Variants in GPAA1 observed in about 807,000 individuals in gnomAD.
GPAA1 encodes GPI-anchor transamidase component GPAA1.
In GPAA1, 54 loss-of-function variants were observed where a neutral mutation model predicts 64.0. The ratio of observed to expected loss-of-function variants is 0.84; its 90% confidence interval spans 0.68 to 1.06. The LOEUF is 1.06. Ranked by LOEUF, GPAA1 falls within the 50% of genes least tolerant of loss-of-function variation. The probability of loss-of-function intolerance (pLI) is 0.00; values close to 1 mark genes in which losing one functional copy is unlikely to be tolerated. For synonymous variants in GPAA1, 393 were observed against 377.3 expected (o/e 1.04, Z -0.48); for missense variants, 780 against 822.3 (o/e 0.95, Z 0.63).
rs1356551495 is a variant in GPAA1, at chr8:144,082,778, A to G, written c.48A>G (p.Leu16=). 1 of 1,465,910 alleles carries G rather than the reference A, an allele frequency of 6.8e-7. No homozygotes were observed. Among genetic ancestry groups the G allele is most frequent in the East Asian group, 3.0e-5 (1 of 33,330 alleles). The allele number at this position is 1,465,910 out of a possible 1,614,324, so 90.8% of individuals were successfully genotyped here. A position where few individuals can be genotyped will look rare whatever the true frequency, so the allele number is the denominator to read the frequency against. ...TTCGCCGGCGCGCGCTCGCCCGCCT[A>G]GTGCTGCGCCTCAACGCGCCGTTGT... The part of the protein sequence containing the change: ...DPVRRRALAR[L]VLRLNAPLCV... Residue 16 remains leucine (L), a synonymous_variant, in exon 1 of 12, where the codon CTA becomes CTG. Transcript: ENST00000355091.
rs782252013 is a variant in GPAA1, at chr8:144,084,153, G to T, written c.636G>T (p.Leu212=). Residue 212 remains leucine, a synonymous_variant, in exon 6 of 12, where the codon CTG becomes CTT. Transcript: ENST00000355091. ...CTACAGGCATGCAGTCGTCTCCCCT[G>T]CAGGGCCGAGCTGGGGCCATTCAGG... is the stretch of plus-strand genomic sequence containing the variant. ...VNVTGMQSSP[L]QGRAGAIQAA... 1 of 1,613,530 alleles carries T rather than the reference G, an allele frequency of 6.2e-7. No homozygotes were observed. Among genetic ancestry groups the T allele is most frequent in the Non-Finnish European group, 8.5e-7 (1 of 1,179,978 alleles).
In GPAA1 at chr8:144,085,273, C is replaced by A. The variant is rs201194653; in HGVS notation, c.1261-16C>A. The A allele has an allele frequency of 6.3e-7, 1 of 1,584,070 alleles. No individual in the cohort carries two copies. The highest frequency in any genetic ancestry group is 1.3e-5 in the African/African-American group (1 of 74,640). On this transcript the variant is annotated splice_polypyrimidine_tract_variant and intron_variant, in intron 9 of 11. Transcript: ENST00000355091. Reference sequence around the variant, plus strand: ...TGGCCCCAGGGTCCATCTCCAAGAGCCTGTGTGCCCTGCAGGGTGTGGGGC... The same window carrying A: ...TGGCCCCAGGGTCCATCTCCAAGAGACTGTGTGCCCTGCAGGGTGTGGGGC...
chr8:144,085,554 T>C lies in GPAA1; in HGVS notation c.1452-19T>C, dbSNP rs1287610318. 26 of 1,610,786 alleles carry C rather than the reference T, an allele frequency of 1.6e-5. No individual in the cohort carries two copies. Among genetic ancestry groups the C allele is most frequent in the Non-Finnish European group, 2.2e-5 (26 of 1,178,300 alleles). On this transcript the variant is annotated intron_variant, in intron 10 of 11. Transcript: ENST00000355091. ...ATGCAGACAGCTTGTGGGTTGCCTC[T>C]GAGTCCTTTGTCTTACAGGGTGGTA...
chr8:144,082,899 AGCTGCTCGCGCCCCTCCG>A (rs1190585617), intron 1 of GPAA1, 95 bp downstream of exon 1: 23 of 1,064,644 alleles, frequency 2.2e-5, no homozygotes, highest in South Asian at 1.3e-4. Context: ...GGGCCGCTCC[AGCTGCTCGCGCCCCTCCG>A]GCTGCTCGCG....
intron 10 of GPAA1, 36 bp from the exon 11 acceptor site, chr8:144,085,537 A>G: frequency 6.2e-7 from 1 of 1,607,438 alleles, no homozygotes; most frequent in Middle Eastern, 1.7e-4. Context: ...ACATGCAGAC[A>G]GCTTGTGGGT....
chr8:144,084,609 A>G lies in GPAA1; in HGVS notation c.1010A>G (p.Lys337Arg), dbSNP rs1168612068. The change falls in exon 7 of 12, where the codon AAG becomes AGG. Residue 337 changes from lysine to arginine, a missense_variant and splice_region_variant. By Grantham distance (26) the Lys-to-Arg change is conservative. Coordinates refer to ENST00000355091, the MANE Select transcript of GPAA1 (RefSeq NM_003801.4). ...AAGTATGACCTGGTGGCAGTGGGCAAGTAAGTAGTCTCTGGTCCCCCCTTT... is the reference window on the plus strand; with the variant it reads ...AAGTATGACCTGGTGGCAGTGGGCAGGTAAGTAGTCTCTGGTCCCCCCTTT... ...QYKYDLVAVG[K>R]ALEGMFRKLN... 6.2e-7 allele frequency: 1 copy of G among 1,610,188 alleles called. No homozygotes were observed. Among genetic ancestry groups the G allele is most frequent in the Non-Finnish European group, 8.5e-7 (1 of 1,177,018 alleles).
chr8:144,085,805 A>C (rs1165082423), intron 11 of GPAA1, 62 bp downstream of exon 11: 1 of 1,601,636 alleles, frequency 6.2e-7, no homozygotes, highest in Non-Finnish European at 8.5e-7. Flanking sequence ...CCGCACCCTC[A>C]TTCAGTAGCC....
rs1554763909 is a variant in GPAA1, at chr8:144,083,816, A to T, written c.469A>T (p.Ser157Cys). ...TVPCGSDSTNSQAVGLLLALA... is the reference protein window; with the variant it reads ...TVPCGSDSTNCQAVGLLLALA... ...GCCCTGTGGCTCTGACTCTACCAACAGCCAGGCTGTGGGGCTGCTGCTGGC... is the reference window on the plus strand; with the variant it reads ...GCCCTGTGGCTCTGACTCTACCAACTGCCAGGCTGTGGGGCTGCTGCTGGC... Residue 157 changes from serine to cysteine, a missense_variant, in exon 4 of 12, where the codon AGC (serine) becomes TGC (cysteine). Coordinates refer to ENST00000355091, the MANE Select transcript of GPAA1 (RefSeq NM_003801.4). 3 of 1,610,952 alleles carry T rather than the reference A, an allele frequency of 1.9e-6. No individual in the cohort carries two copies. Among genetic ancestry groups the T allele is most frequent in the Non-Finnish European group, 2.5e-6 (3 of 1,180,024 alleles).
At chr8:144,082,953 C>T in intron 1 of GPAA1, 149 bp downstream of exon 1, 1 of 877,946 alleles carries the variant, frequency 1.1e-6, no homozygotes, top group Non-Finnish European at 1.7e-6. Flanking sequence ...CCTCTGGAAG[C>T]ACTGAGGGTA....
At chr8:144,082,895 C>T (rs1255825820) in intron 1 of GPAA1, 91 bp downstream of exon 1, 14 of 1,084,396 alleles carry the variant, frequency 1.3e-5, no homozygotes, top group Middle Eastern at 3.2e-4. Flanking sequence ...GCCGGGGCCG[C>T]TCCAGCTGCT....
Position 144,084,259 on chromosome 8 carries a change from A to G in GPAA1, c.742A>G (p.Asn248Asp). 6.2e-7 allele frequency: 1 copy of G among 1,613,840 alleles called. No individual in the cohort carries two copies. The highest frequency in any genetic ancestry group is 1.1e-5 in the South Asian group (1 of 91,084). Residue 248 changes from asparagine (N) to aspartate (D), a missense_variant, in exon 6 of 12, where the codon AAC (asparagine) becomes GAC (aspartate). Physicochemically the swap from Asn to Asp is conservative, Grantham distance 23 (BLOSUM62 1). Coordinates refer to ENST00000355091, the MANE Select transcript of GPAA1 (RefSeq NM_003801.4). Reference sequence around the variant, plus strand: ...GGAGGGGCTTAACGGGCAGCTGCCCAACCTTGACCTGCTCAATCTCTTCCA... The same window carrying G: ...GGAGGGGCTTAACGGGCAGCTGCCCGACCTTGACCTGCTCAATCTCTTCCA... ...AVEGLNGQLPNLDLLNLFQTF... is the reference protein window; with the variant it reads ...AVEGLNGQLPDLDLLNLFQTF...
At chr8:144,083,636 C>T in intron 3 of GPAA1, 78 bp from the exon 4 acceptor site, 2 of 1,469,914 alleles carry the variant, frequency 1.4e-6, no homozygotes, top group Non-Finnish European at 1.9e-6. Flanking sequence ...CACTGGAGGG[C>T]TAGGAAAGTT....
rs1407285278 is a variant in GPAA1, at chr8:144,085,701, C to A, written c.1580C>A (p.Thr527Asn). ...TCACTGGGCTTCCTGCTGGCCACCACCATGGTGCCCACTGCTGCGCTTGCC... is the reference window on the plus strand; with the variant it reads ...TCACTGGGCTTCCTGCTGGCCACCAACATGGTGCCCACTGCTGCGCTTGCC... ...NFSLGFLLAT[T>N]MVPTAALAKP... The change falls in exon 11 of 12, where the codon ACC (threonine) becomes AAC (asparagine). Residue 527 changes from threonine to asparagine, a missense_variant. By Grantham distance (65) the Thr-to-Asn change is moderately conservative (BLOSUM62 0). Transcript: ENST00000355091. The A allele has an allele frequency of 4.3e-6, 7 of 1,613,342 alleles. No homozygotes were observed. The East Asian group carries it at 1.1e-4, about 26-fold the overall frequency.
chr8:144,082,702 G>T lies in GPAA1; in HGVS notation c.-29G>T. 7.0e-7 allele frequency: 1 copy of T among 1,436,058 alleles called. No homozygotes were observed. The highest frequency in any genetic ancestry group is 9.1e-7 in the Non-Finnish European group (1 of 1,097,834). 89.0% of individuals were successfully genotyped at this position (1,436,058 alleles called of 1,614,324 possible). A position where few individuals can be genotyped will look rare whatever the true frequency, so the allele number is the denominator to read the frequency against. On this transcript the variant is annotated 5_prime_UTR_variant, in exon 1 of 12. Coordinates refer to ENST00000355091, the MANE Select transcript of GPAA1 (RefSeq NM_003801.4). Reference sequence around the variant, plus strand: ...GCGGCGGTAGTTGGAGGCGGGAGAGGGTCCGTAGCCGCGCCGCCCTGCCCC... The same window carrying T: ...GCGGCGGTAGTTGGAGGCGGGAGAGTGTCCGTAGCCGCGCCGCCCTGCCCC...
intron 8 of GPAA1, 54 bp downstream of exon 8, chr8:144,084,929 C>T: frequency 6.3e-7 from 1 of 1,591,344 alleles, no homozygotes; most frequent in African/African-American, 1.3e-5. Flanking sequence ...CTCCTCAACT[C>T]TAGGCTGGGG....
At position 144,085,042 on chromosome 8, in the gene GPAA1, C is replaced by T. The variant is rs187027021; in HGVS notation, c.1165-1C>T. ...CTTGTTGGGGTCCTTGATTGGGCTACGCTCTGGAACTGTGGATGCAGCTGC... is the reference window on the plus strand; with the variant it reads ...CTTGTTGGGGTCCTTGATTGGGCTATGCTCTGGAACTGTGGATGCAGCTGC... On this transcript the variant is annotated splice_acceptor_variant, in intron 8 of 11. Transcript: ENST00000355091. LOFTEE classifies it high-confidence loss of function. The T allele has an allele frequency of 5.0e-5, 81 of 1,605,772 alleles. No individual in the cohort carries two copies. The South Asian group carries it at 6.0e-4, about 12-fold the overall frequency.
In GPAA1 at chr8:144,083,770, C is replaced by T. The variant is rs782152642; in HGVS notation, c.423C>T (p.Thr141=). The T allele has an allele frequency of 1.2e-6, 2 of 1,606,692 alleles. No individual in the cohort carries two copies. Among genetic ancestry groups the T allele is most frequent in the East Asian group, 2.2e-5 (1 of 44,886 alleles). ...GILRAPRAAS[T]ESLVLTVPCG... ...TGCGGGCCCCGCGTGCTGCCAGCAC[C>T]GAGTCGCTTGTGCTCACCGTGCCCT... Residue 141 remains threonine (T), a synonymous_variant, in exon 4 of 12, where the codon ACC becomes ACT. Coordinates refer to ENST00000355091, the MANE Select transcript of GPAA1 (RefSeq NM_003801.4).
Position 144,084,615 on chromosome 8 carries a change from T to C in GPAA1, c.1010+6T>C, listed in dbSNP as rs782789815. On this transcript the variant is annotated splice_donor_region_variant and intron_variant, in intron 7 of 11. Transcript: ENST00000355091. The stretch of plus-strand genomic sequence containing the variant: ...GACCTGGTGGCAGTGGGCAAGTAAG[T>C]AGTCTCTGGTCCCCCCTTTCCATGC... The C allele has an allele frequency of 1.6e-5, 25 of 1,609,126 alleles. No individual in the cohort carries two copies. Among genetic ancestry groups the C allele is most frequent in the Non-Finnish European group, 2.0e-5 (24 of 1,176,220 alleles).
At chr8:144,084,099 G>A (rs782394111) in intron 5 of GPAA1, 35 bp from the exon 6 acceptor site, 13 of 1,609,888 alleles carry the variant, frequency 8.1e-6, no homozygotes, top group East Asian at 2.2e-5. Flanking sequence ...TCCTCACCAC[G>A]TCCTCCATTA....
Sources: allele counts gnomAD v4.1 joint callset, GRCh38; gene constraint gnomAD v4.1.1; transcripts MANE v1.5; gene names NCBI Gene and HGNC (gene_info 2026-07-23, HGNC 2026-07-21).